The following SOD2 variants were observed in gnomAD, a reference collection of about 807,000 sequenced individuals.
The protein encoded by SOD2 is superoxide dismutase 2.
A neutral mutation model predicts 27.0 loss-of-function variants in SOD2; 11 were observed. The ratio of observed to expected loss-of-function variants is 0.41; its 90% CI spans 0.26 to 0.67. The LOEUF (loss-of-function observed/expected upper bound fraction) is 0.67. Among genes scored for constraint, SOD2 ranks in the 30% least tolerant of loss-of-function variants. The pLI is 0.34. For missense variants in SOD2, 250 were observed against 274.5 expected (o/e 0.91, Z 0.63); for synonymous variants, 105 against 103.0 (o/e 1.02, Z -0.12).
At chr6:159,712,833 G>A (rs1777854257) in intron 1 of SOD2, 2 of 585,360 alleles carry the variant, frequency 3.4e-6, no homozygotes, top group Admixed American at 2.0e-5. Flanking sequence ...CCTACCATAA[G>A]CACCACCACT....
exon 1 of SOD2, chr6:159,727,309 G>A: frequency 1.6e-6 from 2 of 1,280,716 alleles, no homozygotes; most frequent in Non-Finnish European, 1.0e-6. Context: ...AGTGACTGCG[G>A]CCACGCCTGA....
chr6:159,710,447 C>CA, intron 1 of SOD2, among the ~76,000 whole-genome samples: 1 of 151,412 alleles, frequency 6.6e-6, no homozygotes, highest in South Asian at 2.1e-4. Flanking sequence ...GACTCTGTCT[C>CA]AAAAAAAGAG....
At chr6:159,736,350 T>C in intron 1 of SOD2, 4 of 1,362,670 alleles carry the variant, frequency 2.9e-6, no homozygotes, top group Non-Finnish European at 4.1e-6. Context: ...TTGGGGGCTT[T>C]TTTAAGCACT....
At chr6:159,685,148 A>AT (rs1267331510) in intron 3 of SOD2, 115 bp from the exon 4 acceptor site, 1 of 578,152 alleles carries the variant, frequency 1.7e-6, no homozygotes, top group Non-Finnish European at 2.7e-6. Context: ...GAAATTAGAC[A>AT]ACATCAGAAT....
chr6:159,713,095 A>T, intron 1 of SOD2: 1 of 733,448 alleles, frequency 1.4e-6, no homozygotes, highest in Non-Finnish European at 2.2e-6. Flanking sequence ...TAACATTCTT[A>T]GTGGCTCTGT....
At chr6:159,758,880 ATCT>A (rs1466484692) in intron 1 of SOD2, among the ~76,000 whole-genome samples, 1 of 152,128 alleles carries the variant, frequency 6.6e-6, no homozygotes, top group Admixed American at 6.5e-5. Context: ...GAATGATTGC[ATCT>A]TCCAGCGGGG....
Position 159,736,231 on chromosome 6 carries a change from C to T in SOD2, c.-116+8899G>A, listed in dbSNP as rs768851271. On this transcript the variant is annotated intron_variant, in intron 1 of 3. Coordinates refer to the SOD2 transcript ENST00000537657. The stretch of plus-strand genomic sequence containing the variant: ...TTTCACTGGAAGAAAATAAATTGAA[C>T]TTGTTTTCCGCAACTTTTTTTTTTA... 8 of 1,576,722 alleles carry T rather than the reference C, an allele frequency of 5.1e-6. No individual in the cohort carries two copies. In the South Asian group the frequency reaches 7.3e-5, roughly 14 times the overall value.
At chr6:159,685,143 T>A (rs1780123984) in intron 3 of SOD2, 110 bp from the exon 4 acceptor site, 1 of 580,490 alleles carries the variant, frequency 1.7e-6, no homozygotes, top group Non-Finnish European at 2.6e-6. Flanking sequence ...CCCAAGAAAT[T>A]AGACAACATC....
intron 3 of SOD2, 99 bp downstream of exon 3, chr6:159,688,026 CA>C (rs199973583): frequency 6.5e-5 from 49 of 755,990 alleles, no homozygotes; most frequent in African/African-American, 2.1e-4. Context: ...AAAACAACAA[CA>C]AAAAAAACAA....
At chr6:159,718,646 T>G (rs977715588) in intron 1 of SOD2, among the ~76,000 whole-genome samples, 2 of 152,210 alleles carry the variant, frequency 1.3e-5, no homozygotes, top group Non-Finnish European at 2.9e-5. Flanking sequence ...AGTAAAATCT[T>G]GTAAGTCAGT....
intron 1 of SOD2, chr6:159,755,732 T>C: frequency 8.0e-7 from 1 of 1,243,688 alleles, no homozygotes; most frequent in Non-Finnish European, 1.0e-6. Context: ...GGTTTTTTTT[T>C]GTTGTTTTTT....
At chr6:159,703,903 T>C (rs1034728146) in intron 1 of SOD2, among the ~76,000 whole-genome samples, 4 of 152,258 alleles carry the variant, frequency 2.6e-5, no homozygotes, top group African/African-American at 9.6e-5. Flanking sequence ...TCAAAATTAC[T>C]GAGCTTGAAG....
chr6:159,677,923 G>A lies in SOD2; in HGVS notation c.*4570C>T, dbSNP rs1779814673. The A allele has an allele frequency of 6.6e-6, 1 of 152,170 alleles. No individual in the cohort carries two copies. The highest frequency in any genetic ancestry group is 2.4e-5 in the African/African-American group (1 of 41,442). The allele number at this position is 152,170 out of a possible 1,614,324, so 9.4% of individuals were successfully genotyped here. A position where few individuals can be genotyped will look rare whatever the true frequency, so the allele number is the denominator to read the frequency against. On this transcript the variant is annotated 3_prime_UTR_variant, in exon 5 of 5. Coordinates refer to ENST00000538183, the MANE Select transcript of SOD2 (RefSeq NM_000636.4). ...TTTGCCAATGAAATGATTGGTGGCT[G>A]GGAGCCTCTAGGTAGCTTCAGGACG...
At position 159,751,129 on chromosome 6, in the gene SOD2, CA is replaced by C. The variant is rs201807602; in HGVS notation, c.-335-2454del. 5.9e-3 allele frequency among the ~76,000 whole-genome samples: 897 copies of C among 152,158 alleles called. 11 individuals are homozygous for C. The highest frequency in any genetic ancestry group is 0.021 in the African/African-American group (865 of 41,536). On this transcript the variant is annotated intron_variant, in intron 1 of 7. Coordinates refer to the SOD2 transcript ENST00000546087. ...TGTTTGTAATTTTAAAAAATTATTT[CA>C]AAAACAACTACTTGTAATTAAATTA...
chr6:159,703,682 C>G (rs1275820388), intron 1 of SOD2, among the ~76,000 whole-genome samples: 1 of 152,202 alleles, frequency 6.6e-6, no homozygotes, highest in Non-Finnish European at 1.5e-5. Context: ...ATCGCATACA[C>G]AGCCCCTATA....
intron 1 of SOD2, among the ~76,000 whole-genome samples, chr6:159,738,709 C>T (rs922487859): frequency 6.6e-6 from 1 of 152,090 alleles, no homozygotes; most frequent in Admixed American, 6.5e-5. Flanking sequence ...TCCTCACCAG[C>T]GTTTGGTGTT....
chr6:159,686,278 G>T (rs2114774132), intron 3 of SOD2, among the ~76,000 whole-genome samples: 1 of 152,250 alleles, frequency 6.6e-6, no homozygotes, highest in South Asian at 2.1e-4. Context: ...GGTTGCATAT[G>T]AATATATCTG....
At chr6:159,726,911 G>C (rs1238246166) in intron 1 of SOD2, 2 of 1,288,890 alleles carry the variant, frequency 1.6e-6, no homozygotes, top group Admixed American at 4.6e-5. Flanking sequence ...TCTCTCTTGA[G>C]GTGGCACCTG....
intron 1 of SOD2, chr6:159,755,760 C>CTTTTTTTTTTTTTTTTT (rs1779984995): frequency 1.4e-4 from 40 of 283,658 alleles, no homozygotes; most frequent in African/African-American, 4.0e-4. Flanking sequence ...TTTTTTTTTT[C>CTTTTTTTTTTTTTTTTT]TTTTCTTTTT....
Sources: allele counts gnomAD v4.1 joint callset (sites outside exome capture counted in the v4.1 genomes callset), GRCh38; gene constraint gnomAD v4.1.1; transcripts MANE v1.5; gene names NCBI Gene and HGNC (gene_info 2026-07-23, HGNC 2026-07-21).